CUBN: variants seen among roughly 807,000 people sequenced by gnomAD.
The protein encoded by CUBN is cubilin.
A neutral mutation model predicts 405.3 loss-of-function variants in CUBN; 282 were observed. The ratio of observed to expected loss-of-function variants is 0.70; its 90% CI spans 0.63 to 0.77. The LOEUF (loss-of-function observed/expected upper bound fraction) is 0.77. Ranked by LOEUF, CUBN falls within the 30% of genes least tolerant of loss-of-function variation. CUBN has a pLI of 0.00. For missense variants in CUBN, 4,514 were observed against 4,475.2 expected (o/e 1.01, Z -0.25); for synonymous variants, 1,684 against 1,617.0 (o/e 1.04, Z -0.99).
At chr10:16,846,455 A>G (rs895723072) in intron 60 of CUBN, among the ~76,000 whole-genome samples, 16 of 152,102 alleles carry the variant, frequency 1.1e-4, no homozygotes, top group African/African-American at 3.9e-4. Flanking sequence ...TGATTTTCTG[A>G]AATTACATTA....
rs777088706 is a variant in CUBN, at chr10:17,085,799, G to T, written c.1948-40C>A. 4.4e-6 allele frequency: 7 copies of T among 1,576,752 alleles called. No homozygotes were observed. In the East Asian group the frequency reaches 1.3e-4, roughly 30 times the overall value. ...TGAATCATTAAGCTCAAAGTGGTCA[G>T]ATTTTTAACAAACTAGGTCACTTTG... On this transcript the variant is annotated intron_variant, in intron 15 of 66. Coordinates refer to ENST00000377833, the MANE Select transcript of CUBN (RefSeq NM_001081.4).
rs143293618 is a variant in CUBN at position 16,860,700 on chromosome 10, T to C, written c.9454+8936A>G. Among the ~76,000 whole-genome samples, 740 of 152,334 alleles carry C rather than the reference T, an allele frequency of 4.9e-3. 5 individuals carry two copies. Among genetic ancestry groups the C allele is most frequent in the African/African-American group, 0.016 (680 of 41,574 alleles). ...ACATTGTCCAGAAACCTTAGGAGCATTATTATTTCTTCTTCCCAAGCTGCT... is the reference window on the plus strand; with the variant it reads ...ACATTGTCCAGAAACCTTAGGAGCACTATTATTTCTTCTTCCCAAGCTGCT... On this transcript the variant is annotated intron_variant, in intron 59 of 66. Coordinates refer to ENST00000377833, the MANE Select transcript of CUBN (RefSeq NM_001081.4).
chr10:17,081,052 TA>T (rs5783532), intron 17 of CUBN, among the ~76,000 whole-genome samples: 2 of 151,268 alleles, frequency 1.3e-5, no homozygotes, highest in Non-Finnish European at 3.0e-5. Context: ...TTCCTTGTGT[TA>T]AAAAAAAAGA....
intron 17 of CUBN, among the ~76,000 whole-genome samples, chr10:17,078,539 A>C (rs904475440): frequency 6.6e-6 from 1 of 152,154 alleles, no homozygotes; most frequent in African/African-American, 2.4e-5. Context: ...TTTCCTGCCC[A>C]TACTTATCTC....
chr10:17,037,835 C>T (rs563482268), intron 27 of CUBN, among the ~76,000 whole-genome samples: 14 of 152,326 alleles, frequency 9.2e-5, no homozygotes, highest in South Asian at 4.1e-4. Flanking sequence ...TTCCTGCTCT[C>T]GCCCCACAAA....
At chr10:16,884,109 A>G (rs1049327356) in intron 56 of CUBN, among the ~76,000 whole-genome samples, 6 of 152,278 alleles carry the variant, frequency 3.9e-5, no homozygotes, top group Admixed American at 1.3e-4. Flanking sequence ...CTTCCCGAGT[A>G]GCTGGGACTA....
intron 28 of CUBN, among the ~76,000 whole-genome samples, chr10:17,000,571 G>A (rs1833850049): frequency 6.6e-6 from 1 of 152,108 alleles, no homozygotes; most frequent in Non-Finnish European, 1.5e-5. Flanking sequence ...ATTATTACGG[G>A]AATTTATAAA....
rs1836570699 is a variant in CUBN, at chr10:17,104,440, G to C, written c.1396C>G (p.Leu466Val). 6.2e-7 allele frequency: 1 copy of C among 1,613,914 alleles called. No homozygotes were observed. The highest frequency in any genetic ancestry group is 8.5e-7 in the Non-Finnish European group (1 of 1,179,982). ...CECTRLWTGALCQVPQQVCGE... is the reference protein window; with the variant it reads ...CECTRLWTGAVCQVPQQVCGE... ...GTACCTTGCTGAGGAACCTGACAGAGAGCTCCAGTCCAGAGACGTGTGCAT... is the reference window on the plus strand; with the variant it reads ...GTACCTTGCTGAGGAACCTGACAGACAGCTCCAGTCCAGAGACGTGTGCAT... Residue 466 changes from leucine (L) to valine (V), a missense_variant, in exon 12 of 67, where the codon CTC (leucine) becomes GTC (valine). Transcript: ENST00000377833.
At position 17,047,457 on chromosome 10, in the gene CUBN, C is replaced by A; in HGVS notation, c.3286G>T (p.Glu1096Ter). The A allele has an allele frequency of 6.2e-6, 10 of 1,614,010 alleles. No homozygotes were observed. The highest frequency in any genetic ancestry group is 8.5e-6 in the Non-Finnish European group (10 of 1,179,942). The change falls in exon 23 of 67, where the codon GAG (glutamate) becomes TAG (stop). Residue 1096 changes from glutamate (E) to a stop codon, truncating the protein, a stop_gained. Coordinates refer to ENST00000377833, the MANE Select transcript of CUBN (RefSeq NM_001081.4). LOFTEE classifies it high-confidence loss of function. Reference protein sequence around the residue: ...IAVHFTNFSLEEAIGNYYTDF... With the variant: ...IAVHFTNFSL ...GTATAATAGTTTCCAATGGCTTCCT[C>A]CAAGGAGAAGTTTGTGAAGTGCACT...
chr10:16,901,297 C>T, intron 52 of CUBN, 41 bp downstream of exon 52: 1 of 1,613,856 alleles, frequency 6.2e-7, no homozygotes, highest in Non-Finnish European at 8.5e-7. Context: ...TATTGTGGTT[C>T]TATTGTCTCA....
At chr10:16,834,867 T>A (rs1251337563) in intron 64 of CUBN, 147 bp downstream of exon 64, 9 of 919,574 alleles carry the variant, frequency 9.8e-6, no homozygotes, top group Admixed American at 2.1e-5. Flanking sequence ...GCTCTGTAGA[T>A]GTTTAGGGAA....
chr10:17,087,188 C>CT (rs1473176009), intron 15 of CUBN, among the ~76,000 whole-genome samples: 2 of 152,146 alleles, frequency 1.3e-5, no homozygotes, highest in Non-Finnish European at 2.9e-5. Flanking sequence ...TTTCACACTG[C>CT]TGCAAGGGGC....
intron 31 of CUBN, among the ~76,000 whole-genome samples, chr10:16,974,810 G>C (rs1046283138): frequency 6.6e-6 from 1 of 152,140 alleles, no homozygotes; most frequent in Non-Finnish European, 1.5e-5. Context: ...ATGTGAAGAT[G>C]ATGAGGATGA....
chr10:16,852,113 C>T (rs1389249937), intron 59 of CUBN, among the ~76,000 whole-genome samples: 1 of 132,400 alleles, frequency 7.6e-6, no homozygotes, highest in Non-Finnish European at 1.6e-5. Context: ...CCCTCCCTCC[C>T]TCCATCTTTC....
At chr10:17,093,425 A>T (rs1588637531) in intron 14 of CUBN, among the ~76,000 whole-genome samples, 1 of 152,144 alleles carries the variant, frequency 6.6e-6, no homozygotes, top group East Asian at 1.9e-4. Context: ...AACGTGAGAA[A>T]AGTATGCTAC....
rs1331774721 is a variant in CUBN at position 16,959,114 on chromosome 10, A to G, written c.4696-4566T>C. 2.0e-5 allele frequency among the ~76,000 whole-genome samples: 3 copies of G among 152,274 alleles called. No individual in the cohort carries two copies. In the East Asian group the frequency reaches 5.8e-4, roughly 29 times the overall value. On this transcript the variant is annotated intron_variant, in intron 31 of 66. Coordinates refer to ENST00000377833, the MANE Select transcript of CUBN (RefSeq NM_001081.4). Reference sequence around the variant, plus strand: ...GCTTTCAGTACCTGAACACCACCCAAAGGCCATACCTCCTGACACTAGAGG... The same window carrying G: ...GCTTTCAGTACCTGAACACCACCCAGAGGCCATACCTCCTGACACTAGAGG...
At chr10:16,867,291 C>A (rs905868017) in intron 59 of CUBN, among the ~76,000 whole-genome samples, 4 of 150,512 alleles carry the variant, frequency 2.7e-5, no homozygotes, top group Admixed American at 2.0e-4. Context: ...GCAAAAGGGG[C>A]ATCCTATTAG....
At chr10:17,098,187 G>C (rs887760875) in intron 14 of CUBN, among the ~76,000 whole-genome samples, 4 of 152,280 alleles carry the variant, frequency 2.6e-5, no homozygotes, top group African/African-American at 9.6e-5. Context: ...TCAATTGGTA[G>C]CCACTGGAGT....
intron 56 of CUBN, among the ~76,000 whole-genome samples, chr10:16,881,640 T>G (rs1840667844): frequency 6.6e-6 from 1 of 152,246 alleles, no homozygotes; most frequent in Admixed American, 6.5e-5. Context: ...ATCTGGCAAC[T>G]TATTTCATGG....
Sources: gnomAD v4.1 joint callset for allele counts (sites outside exome capture counted in the v4.1 genomes callset) on GRCh38, gnomAD v4.1.1 for gene constraint, MANE v1.5 for transcripts, NCBI Gene and HGNC (gene_info 2026-07-23, HGNC 2026-07-21) for gene names.